Variants in FAM221B observed in about 807,000 individuals in gnomAD.
FAM221B encodes the protein family with sequence similarity 221 member B, also known as protein FAM221B.
FAM221B carries 35 observed loss-of-function variants against 39.8 expected under a neutral mutation model. The observed-to-expected ratio is 0.88, with a 90% confidence interval of 0.67 to 1.17. FAM221B has a LOEUF of 1.17. Ranked by LOEUF, FAM221B falls within the 50% of genes most tolerant of loss-of-function variation. FAM221B has a pLI of 0.00. For missense variants in FAM221B, 479 were observed against 503.1 expected, an observed-to-expected ratio of 0.95 and a Z score of 0.46; for synonymous variants, 158 against 178.1, an observed-to-expected ratio of 0.89 and a Z score of 0.90.
chr9:35,825,881 A>C lies in FAM221B; in HGVS notation c.281T>G (p.Leu94Trp), dbSNP rs775589272. Residue 94 changes from leucine to tryptophan, a missense_variant, in exon 2 of 7, where the codon TTG becomes TGG. Physicochemically the swap from Leu to Trp is moderately conservative, Grantham distance 61. Transcript: ENST00000423537. The surrounding 1 kb of genome is among the most constrained non-coding windows in gnomAD (Gnocchi z 4.2). ...PSETPTYEASLDSPISVVPEK... is the reference protein window; with the variant it reads ...PSETPTYEASWDSPISVVPEK... ...TGGCACCACTGAGATGGGACTATCC[A>C]ATGAAGCCTCATAGGTAGGGGTCTC... 6.2e-7 allele frequency: 1 copy of C among 1,614,120 alleles called. No homozygotes were observed. Among genetic ancestry groups the C allele is most frequent in the Admixed American group, 1.7e-5 (1 of 60,014 alleles).
chr9:35,822,433 A>G (rs1429049175), intron 3 of FAM221B, among the ~76,000 whole-genome samples: 1 of 151,808 alleles, frequency 6.6e-6, no homozygotes, highest in Non-Finnish European at 1.5e-5. Flanking sequence ...TTTTTGACAG[A>G]GTCTCGCTCT....
At chr9:35,818,838 C>T in intron 6 of FAM221B, 52 bp downstream of exon 6, 2 of 1,547,842 alleles carry the variant, frequency 1.3e-6, no homozygotes, top group Non-Finnish European at 1.7e-6. Flanking sequence ...TCCTGCCTGG[C>T]CTTCTGACTA....
At chr9:35,824,669 G>GT (rs1829261321) in intron 3 of FAM221B, among the ~76,000 whole-genome samples, 1 of 149,268 alleles carries the variant, frequency 6.7e-6, no homozygotes, top group South Asian at 2.1e-4. Context: ...GTTTTTTTTT[G>GT]TTTTTTGTTT....
intron 1 of FAM221B, among the ~76,000 whole-genome samples, chr9:35,827,747 TC>T (rs1829434027): frequency 6.6e-6 from 1 of 152,218 alleles, no homozygotes; most frequent in African/African-American, 2.4e-5. Flanking sequence ...GCCTTAACTT[TC>T]CGTGCTCCCT....
chr9:35,824,316 C>T (rs1170441404), intron 3 of FAM221B, among the ~76,000 whole-genome samples: 1 of 152,106 alleles, frequency 6.6e-6, no homozygotes, highest in Non-Finnish European at 1.5e-5. Flanking sequence ...CACAGGTAGG[C>T]ATGCTCATGC....
chr9:35,826,491 G>C (rs961787419), intron 1 of FAM221B, among the ~76,000 whole-genome samples: 2 of 152,190 alleles, frequency 1.3e-5, no homozygotes, highest in African/African-American at 4.8e-5. Flanking sequence ...CACTTGGGCA[G>C]TCCAAGAGCA....
At position 35,819,390 on chromosome 9, in the gene FAM221B, T is replaced by C. The variant is rs1404448636; in HGVS notation, c.858A>G (p.Ile286Met). 2 of 1,551,264 alleles carry C rather than the reference T, an allele frequency of 1.3e-6. No individual in the cohort carries two copies. Among genetic ancestry groups the C allele is most frequent in the South Asian group, 1.2e-5 (1 of 84,062 alleles). Residue 286 changes from isoleucine (I) to methionine (M), a missense_variant, in exon 5 of 7, where the codon ATA becomes ATG. By Grantham distance (10) the Ile-to-Met change is conservative. Coordinates refer to ENST00000423537, the MANE Select transcript of FAM221B (RefSeq NM_001012446.4). ...ACTGGCTTACCTTGCAGGGCACCGATATGTCTGTGGGATTGGGGATGGATG... is the reference window on the plus strand; with the variant it reads ...ACTGGCTTACCTTGCAGGGCACCGACATGTCTGTGGGATTGGGGATGGATG... ...LLREHRIISD[I>M]SVPCKVSQCR...
rs964771765 is a variant in FAM221B at position 35,819,318 on chromosome 9, C to T, written c.930G>A (p.Val310=). Residue 310 remains valine, a synonymous_variant, in exon 5 of 7, where the codon GTG becomes GTA. Transcript: ENST00000423537. ...FCFIPSRPEE[V]GEFWLKRRAT... is the part of the protein sequence containing the mutation. ...CCCGTCTCTTGAGCCAGAACTCACC[C>T]ACCTCCTCTGGGCGTGATGGGATAA... 1.3e-6 allele frequency: 2 copies of T among 1,551,750 alleles called. No homozygotes were observed. The highest frequency in any genetic ancestry group is 1.4e-5 in the African/African-American group (1 of 73,174).
intron 6 of FAM221B, 58 bp from the exon 7 acceptor site, chr9:35,818,564 A>G (rs1829063815): frequency 1.3e-6 from 2 of 1,508,976 alleles, no homozygotes; most frequent in Admixed American, 2.0e-5. Context: ...AAGGGAGGCC[A>G]GGCTGGAGAC....
Position 35,828,484 on chromosome 9 carries a change from G to A in FAM221B, c.-22C>T. ...CTACCCTCTGGGCTTTGGCTTGGTTGTTACAAGTCCTTAGGTCAAGACCTT... is the reference window on the plus strand; with the variant it reads ...CTACCCTCTGGGCTTTGGCTTGGTTATTACAAGTCCTTAGGTCAAGACCTT... On this transcript the variant is annotated 5_prime_UTR_variant, in exon 1 of 7. Coordinates refer to ENST00000423537, the MANE Select transcript of FAM221B (RefSeq NM_001012446.4). The surrounding 1 kb of genome is among the most constrained non-coding windows in gnomAD (Gnocchi z 4.5). 1.0e-6 allele frequency: 1 copy of A among 985,452 alleles called. No individual in the cohort carries two copies. Among genetic ancestry groups the A allele is most frequent in the Non-Finnish European group, 1.2e-6 (1 of 829,954 alleles). 61.0% of individuals were successfully genotyped at this position (985,452 alleles called of 1,614,324 possible).
chr9:35,827,836 G>A (rs527493120), intron 1 of FAM221B, among the ~76,000 whole-genome samples: 1 of 152,288 alleles, frequency 6.6e-6, no homozygotes, highest in South Asian at 2.1e-4. Context: ...GGGATGTTTG[G>A]GAAGGGAATT....
intron 3 of FAM221B, among the ~76,000 whole-genome samples, chr9:35,824,896 C>T (rs1451712433): frequency 6.6e-6 from 1 of 152,074 alleles, no homozygotes; most frequent in Non-Finnish European, 1.5e-5. Context: ...TTACCCAGGA[C>T]AGTCTCGATC....
chr9:35,818,811 T>G, intron 6 of FAM221B, 79 bp downstream of exon 6: 2 of 1,533,070 alleles, frequency 1.3e-6, no homozygotes, highest in Non-Finnish European at 1.8e-6. Context: ...AAGGGATGGT[T>G]GAGGATGGGA....
At chr9:35,821,914 A>G (rs1187884456) in intron 3 of FAM221B, among the ~76,000 whole-genome samples, 1 of 152,218 alleles carries the variant, frequency 6.6e-6, no homozygotes, top group Non-Finnish European at 1.5e-5. Context: ...GTGGGTGGAC[A>G]AGGCCTGGCG....
intron 3 of FAM221B, among the ~76,000 whole-genome samples, chr9:35,821,280 A>G (rs1829144585): frequency 6.6e-6 from 1 of 152,248 alleles, no homozygotes; most frequent in South Asian, 2.1e-4. Flanking sequence ...TGATTAAACA[A>G]TTGAGCTCAT....
intron 3 of FAM221B, among the ~76,000 whole-genome samples, chr9:35,823,349 C>A (rs1034542647): frequency 6.6e-6 from 1 of 152,232 alleles, no homozygotes; most frequent in Admixed American, 6.5e-5. Flanking sequence ...AGCATTACCA[C>A]TTCCATAGCT....
intron 3 of FAM221B, chr9:35,821,725 T>A: frequency 1.5e-6 from 1 of 681,050 alleles, no homozygotes. Context: ...AGCACTAGTG[T>A]AGGAATCAGT....
At chr9:35,826,182 A>G in intron 1 of FAM221B, 21 bp from the exon 2 acceptor site, 1 of 1,531,480 alleles carries the variant, frequency 6.5e-7, no homozygotes, top group Non-Finnish European at 8.8e-7. Flanking sequence ...AACAGGGTAC[A>G]GGCTTCATTA....
In FAM221B at chr9:35,816,959, C is replaced by G. The variant is rs1253017069; in HGVS notation, c.*1510G>C. 1 of 152,088 alleles carries G rather than the reference C, an allele frequency of 6.6e-6. No individual in the cohort carries two copies. Among genetic ancestry groups the G allele is most frequent in the African/African-American group, 2.4e-5 (1 of 41,398 alleles). The allele number at this position is 152,088 out of a possible 1,614,324, so 9.4% of individuals were successfully genotyped here. ...ACCCTAGAGTTGCCCTGGAGAAGGG[C>G]GAGAGATAAGTGGATCTGGGATCTA... On this transcript the variant is annotated 3_prime_UTR_variant, in exon 7 of 7. Coordinates refer to ENST00000423537, the MANE Select transcript of FAM221B (RefSeq NM_001012446.4).
Sources: allele counts gnomAD v4.1 joint callset (sites outside exome capture counted in the v4.1 genomes callset), GRCh38; gene constraint gnomAD v4.1.1; non-coding constraint Gnocchi (gnomAD v3.1); transcripts MANE v1.5; gene names NCBI Gene and HGNC (gene_info 2026-07-23, HGNC 2026-07-21).